Variants in TULP4 observed in about 807,000 individuals in gnomAD.
TULP4 encodes the protein tubby-related protein 4.
In TULP4, 16 loss-of-function variants were observed where a neutral mutation model predicts 129.0. That is an observed-to-expected ratio of 0.12 (90% CI 0.08 to 0.19). TULP4 has a LOEUF of 0.19. TULP4 is among the 10% of genes least tolerant of loss of function. TULP4 has a pLI of 1.00. For missense variants in TULP4, 1,842 were observed against 2,059.1 expected, an observed-to-expected ratio of 0.89 and a Z score of 2.04; for synonymous variants, 998 against 854.0, an observed-to-expected ratio of 1.17 and a Z score of -2.94.
At chr6:158,407,619 T>C (rs1777999323) in intron 1 of TULP4, among the ~76,000 whole-genome samples, 2 of 152,212 alleles carry the variant, frequency 1.3e-5, no homozygotes, top group African/African-American at 4.8e-5. Context: ...CAACAAAATG[T>C]GGTCTCTCAA....
chr6:158,494,015 C>T (rs1780272684), intron 10 of TULP4, among the ~76,000 whole-genome samples: 1 of 152,190 alleles, frequency 6.6e-6, no homozygotes, highest in South Asian at 2.1e-4. Context: ...CCTCAGTGCC[C>T]CCTCACCCTC....
At chr6:158,371,750 T>G (rs1385585434) in intron 1 of TULP4, among the ~76,000 whole-genome samples, 1 of 152,226 alleles carries the variant, frequency 6.6e-6, no homozygotes, top group East Asian at 1.9e-4. Context: ...TCTGCATAGG[T>G]TCAGAGTAGA....
intron 5 of TULP4, among the ~76,000 whole-genome samples, chr6:158,457,700 T>A (rs556504399): frequency 6.6e-6 from 1 of 152,284 alleles, no homozygotes; most frequent in East Asian, 1.9e-4. Context: ...AATTAAAAGC[T>A]CCAACCCCTG....
chr6:158,431,791 A>G (rs1778634956), intron 3 of TULP4, among the ~76,000 whole-genome samples: 1 of 152,112 alleles, frequency 6.6e-6, no homozygotes, highest in Non-Finnish European at 1.5e-5. Context: ...AGGAGTCGGT[A>G]GGACAATGGC....
chr6:158,380,894 C>CAAAAAAAAAAAAA (rs1227720723), intron 1 of TULP4, among the ~76,000 whole-genome samples: 2 of 72,228 alleles, frequency 2.8e-5, no homozygotes, highest in Admixed American at 1.6e-4. Context: ...ACTCTGTCTC[C>CAAAAAAAAAAAAA]AAAAAAAAAA....
intron 8 of TULP4, among the ~76,000 whole-genome samples, chr6:158,484,833 T>C (rs1202094621): frequency 1.3e-5 from 2 of 152,268 alleles, no homozygotes; most frequent in Non-Finnish European, 2.9e-5. Flanking sequence ...CACGCACGCT[T>C]GTGCGTACAC....
chr6:158,453,489 A>G (rs1409078215), intron 5 of TULP4, among the ~76,000 whole-genome samples: 3 of 132,144 alleles, frequency 2.3e-5, no homozygotes, highest in African/African-American at 9.7e-5. Context: ...GTCTCACAAA[A>G]AAAAAAAAAA....
At chr6:158,481,956 C>G (rs906648673) in intron 8 of TULP4, among the ~76,000 whole-genome samples, 2 of 152,146 alleles carry the variant, frequency 1.3e-5, no homozygotes, top group African/African-American at 2.4e-5. Context: ...GGCTAGTGTC[C>G]GTGCACCCAT....
At chr6:158,342,406 A>G (rs1418258227) in intron 1 of TULP4, among the ~76,000 whole-genome samples, 1 of 152,146 alleles carries the variant, frequency 6.6e-6, no homozygotes, top group Admixed American at 6.5e-5. Context: ...TTTCTTGTTC[A>G]TTTGCACACT....
intron 1 of TULP4, among the ~76,000 whole-genome samples, chr6:158,297,782 G>T (rs897148951): frequency 3.3e-5 from 5 of 152,076 alleles, no homozygotes; most frequent in Admixed American, 2.0e-4. Context: ...TATGTTTAGC[G>T]GTGCACGTAT....
chr6:158,281,525 G>T (rs1350141897), upstream of TULP4, among the ~76,000 whole-genome samples: 1 of 152,186 alleles, frequency 6.6e-6, no homozygotes, highest in Non-Finnish European at 1.5e-5. Flanking sequence ...TAGCCAGAAG[G>T]GTTGATGGGG....
intron 1 of TULP4, among the ~76,000 whole-genome samples, chr6:158,378,488 T>TG (rs1777249040): frequency 1.8e-4 from 7 of 39,740 alleles, no homozygotes; most frequent in Admixed American, 3.4e-4. Flanking sequence ...TTTTTTTTGG[T>TG]GGGGGTGGGG....
At chr6:158,300,046 A>C (rs1779105953) in intron 1 of TULP4, among the ~76,000 whole-genome samples, 1 of 152,170 alleles carries the variant, frequency 6.6e-6, no homozygotes, top group Non-Finnish European at 1.5e-5. Flanking sequence ...GGATTGAACC[A>C]CACCCATTTT....
intron 1 of TULP4, among the ~76,000 whole-genome samples, chr6:158,327,040 C>G (rs1323235827): frequency 6.6e-6 from 1 of 152,102 alleles, no homozygotes; most frequent in Non-Finnish European, 1.5e-5. Flanking sequence ...GCAACCATCC[C>G]CCTTGTGTAC....
At chr6:158,479,730 C>T in intron 6 of TULP4, 21 bp from the exon 7 acceptor site, 1 of 1,607,466 alleles carries the variant, frequency 6.2e-7, no homozygotes, top group South Asian at 1.1e-5. Context: ...TAAGCATTGT[C>T]TTCCCTTCAC....
At chr6:158,238,854 G>A (rs1777780360) in intron 1 of TULP4, among the ~76,000 whole-genome samples, 3 of 98,986 alleles carry the variant, frequency 3.0e-5, no homozygotes, top group South Asian at 7.9e-4. Flanking sequence ...GCAACCATCC[G>A]ATTTCTCAAT....
rs1044899174 is a variant in TULP4, at chr6:158,509,910, A to C, written c.*3216A>C. On this transcript the variant is annotated 3_prime_UTR_variant, in exon 14 of 14. Coordinates refer to ENST00000367097, the MANE Select transcript of TULP4 (RefSeq NM_020245.5). ...TCTCTGTTGACTAAATACGACGAAA[A>C]TTCATACTTTATGCAGGAGATTTCT... is the stretch of plus-strand genomic sequence containing the variant. 7.2e-5 allele frequency: 11 copies of C among 152,360 alleles called. No individual in the cohort carries two copies. The highest frequency in any genetic ancestry group is 2.4e-4 in the African/African-American group (10 of 41,592). 9.4% of individuals were successfully genotyped at this position (152,360 alleles called of 1,614,324 possible).
At chr6:158,375,750 G>T (rs962193907) in intron 1 of TULP4, among the ~76,000 whole-genome samples, 1 of 152,222 alleles carries the variant, frequency 6.6e-6, no homozygotes, top group Non-Finnish European at 1.5e-5. Flanking sequence ...CCTGACCTTG[G>T]ATGGTGTTTG....
At chr6:158,341,067 T>C (rs989079383) in intron 1 of TULP4, among the ~76,000 whole-genome samples, 8 of 152,198 alleles carry the variant, frequency 5.3e-5, no homozygotes, top group South Asian at 2.1e-4. Context: ...ATTAGCCATG[T>C]TCTCTTTATT....
Sources: allele counts gnomAD v4.1 joint callset (sites outside exome capture counted in the v4.1 genomes callset), GRCh38; gene constraint gnomAD v4.1.1; transcripts MANE v1.5; gene names NCBI Gene and HGNC (gene_info 2026-07-23, HGNC 2026-07-21).